PKD1L1: variants seen among roughly 807,000 people sequenced by gnomAD.
PKD1L1 encodes polycystin-1-like protein 1.
A neutral mutation model predicts 323.4 loss-of-function variants in PKD1L1; 236 were observed. That is an observed-to-expected ratio of 0.73 (90% confidence interval 0.66 to 0.81). The LOEUF (loss-of-function observed/expected upper bound fraction) is 0.81. Ranked by LOEUF, PKD1L1 falls within the 40% of genes least tolerant of loss-of-function variation. The probability of loss-of-function intolerance (pLI) is 0.00; values close to 1 mark genes in which losing one functional copy is unlikely to be tolerated. For synonymous variants in PKD1L1, 1,344 were observed against 1,335.0 expected (o/e 1.01, Z -0.15); for missense variants, 3,320 against 3,508.0 (o/e 0.95, Z 1.35).
At chr7:47,806,406 G>A (rs1486212481) in intron 52 of PKD1L1, among the ~76,000 whole-genome samples, 1 of 152,174 alleles carries the variant, frequency 6.6e-6, no homozygotes, top group Non-Finnish European at 1.5e-5. Flanking sequence ...TAGCCCACAG[G>A]ACCATGCAAG....
At chr7:47,878,360 CATAT>C (rs772820636) in intron 21 of PKD1L1, among the ~76,000 whole-genome samples, 4 of 152,090 alleles carry the variant, frequency 2.6e-5, no homozygotes, top group African/African-American at 9.7e-5. Flanking sequence ...TATTCTCATA[CATAT>C]AGTTTTTAAA....
intron 25 of PKD1L1, 33 bp from the exon 26 acceptor site, chr7:47,865,305 A>G (rs1459215017): frequency 6.3e-7 from 1 of 1,585,998 alleles, no homozygotes; most frequent in Non-Finnish European, 8.6e-7. Flanking sequence ...AAACAAAAAG[A>G]AAATGCAAGG....
intron 13 of PKD1L1, among the ~76,000 whole-genome samples, chr7:47,901,345 A>G (rs1018396011): frequency 1.1e-4 from 16 of 151,536 alleles, no homozygotes; most frequent in East Asian, 3.9e-4. Context: ...AAAAAAAAAA[A>G]AAAGAAAAGA....
Position 47,803,363 on chromosome 7 carries a change from A to G in PKD1L1, c.7828-19T>C. On this transcript the variant is annotated intron_variant, in intron 52 of 56. Transcript: ENST00000289672. ...GAGCCCTCTGAGACAGAAGAACATA[A>G]CAGTCAGTGTGCCATGCCAGTCACT... is the stretch of plus-strand genomic sequence containing the variant. 6.2e-7 allele frequency: 1 copy of G among 1,612,704 alleles called. No homozygotes were observed. The highest frequency in any genetic ancestry group is 8.5e-7 in the Non-Finnish European group (1 of 1,179,598).
intron 19 of PKD1L1, among the ~76,000 whole-genome samples, chr7:47,884,397 T>C (rs1007847072): frequency 2.0e-5 from 3 of 151,938 alleles, no homozygotes; most frequent in African/African-American, 7.3e-5. Context: ...TTTTGGAGCA[T>C]AGGGTGAGAG....
chr7:47,827,398 C>A lies in PKD1L1; in HGVS notation c.6806G>T (p.Gly2269Val). Residue 2269 changes from glycine (G) to valine (V), a missense_variant, in exon 45 of 57, where the codon GGC (glycine) becomes GTC (valine). Transcript: ENST00000289672. ...CTCTCTCCTCATCCTCTGTCTGGTG[C>A]CCCTCAGCTGGGCCTTGGATGGTGG... Reference protein sequence around the residue: ...AHPPSKAQLRGTRQRMRRESR... With the variant: ...AHPPSKAQLRVTRQRMRRESR... 1.2e-6 allele frequency: 2 copies of A among 1,613,328 alleles called. No homozygotes were observed. Among genetic ancestry groups the A allele is most frequent in the Non-Finnish European group, 1.7e-6 (2 of 1,179,788 alleles).
In PKD1L1 at chr7:47,881,920, T is replaced by C. The variant is rs1385380868; in HGVS notation, c.3431A>G (p.Tyr1144Cys). ...GAGGACATTCATACCTGAGGATGAATAGCCTTGGAAAACTGCTCGACCCAG... is the reference window on the plus strand; with the variant it reads ...GAGGACATTCATACCTGAGGATGAACAGCCTTGGAAAACTGCTCGACCCAG... Reference protein sequence around the residue: ...ALLGRAVFQGYSSSGITEQTV... With the variant: ...ALLGRAVFQGCSSSGITEQTV... The change falls in exon 20 of 57, where the codon TAT becomes TGT. Residue 1144 changes from tyrosine (Y) to cysteine (C), a missense_variant. Physicochemically the swap from Tyr to Cys is radical, Grantham distance 194. Transcript: ENST00000289672. The C allele has an allele frequency of 3.1e-6, 5 of 1,596,138 alleles. No individual in the cohort carries two copies. Among genetic ancestry groups the C allele is most frequent in the African/African-American group, 2.7e-5 (2 of 73,716 alleles).
chr7:47,878,924 C>T (rs1786468624), intron 21 of PKD1L1, among the ~76,000 whole-genome samples: 2 of 152,200 alleles, frequency 1.3e-5, no homozygotes, highest in Non-Finnish European at 2.9e-5. Flanking sequence ...CATGGAGAGA[C>T]TCTCATGTGT....
chr7:47,865,587 T>TTTTA (rs1786148261), intron 25 of PKD1L1, among the ~76,000 whole-genome samples: 1 of 150,420 alleles, frequency 6.6e-6, no homozygotes. Flanking sequence ...TTTTATTTTA[T>TTTTA]TTTATTTTAT....
intron 16 of PKD1L1, 91 bp downstream of exon 16, chr7:47,890,451 G>T: frequency 7.7e-7 from 1 of 1,295,716 alleles, no homozygotes; most frequent in Non-Finnish European, 1.1e-6. Flanking sequence ...CAAACTGCTT[G>T]CTGTGCACAG....
chr7:47,831,435 G>A lies in PKD1L1; in HGVS notation c.6338-83C>T, dbSNP rs910629292. The A allele has an allele frequency of 3.3e-6, 5 of 1,508,520 alleles. No homozygotes were observed. The Admixed American group carries it at 1.0e-4, about 31-fold the overall frequency. 93.4% of individuals were successfully genotyped at this position (1,508,520 alleles called of 1,614,324 possible). On this transcript the variant is annotated intron_variant, in intron 41 of 56. Transcript: ENST00000289672. ...CGCGGAGTGTGGTGGTGAATCTTAG[G>A]TGTCAACTAGGCTGGGTCGTAGGGT... is the stretch of plus-strand genomic sequence containing the variant.
intron 2 of PKD1L1, 106 bp downstream of exon 2, chr7:47,943,290 T>C (rs1023831689): frequency 2.9e-5 from 28 of 957,548 alleles, no homozygotes; most frequent in Non-Finnish European, 4.0e-5. Context: ...TTCTGTTTCT[T>C]AAAAGCAGAA....
At chr7:47,893,424 T>C (rs1786866786) in intron 15 of PKD1L1, among the ~76,000 whole-genome samples, 1 of 152,040 alleles carries the variant, frequency 6.6e-6, no homozygotes, top group South Asian at 2.1e-4. Flanking sequence ...TGTCTGAGGC[T>C]GTTGCACATG....
chr7:47,778,958 G>A (rs936094836), intron 56 of PKD1L1, among the ~76,000 whole-genome samples: 9 of 152,190 alleles, frequency 5.9e-5, no homozygotes, highest in African/African-American at 2.2e-4. Context: ...ATGATATTCA[G>A]CTAACAGGTT....
rs759633010 is a variant in PKD1L1 at position 47,835,249 on chromosome 7, A to G, written c.5944-6T>C. On this transcript the variant is annotated splice_region_variant and splice_polypyrimidine_tract_variant and intron_variant, in intron 37 of 56. Transcript: ENST00000289672. ...GGGCTGACGTCCAAGTGGGGCTGCA[A>G]CAAAGCAACAGCAGCCATTACATCA... is the stretch of plus-strand genomic sequence containing the variant. 6.4e-7 allele frequency: 1 copy of G among 1,566,234 alleles called. No individual in the cohort carries two copies. The highest frequency in any genetic ancestry group is 1.2e-5 in the South Asian group (1 of 83,440).
chr7:47,816,522 T>A lies in PKD1L1; in HGVS notation c.6966-1065A>T, dbSNP rs149646558. 2.4e-4 allele frequency among the ~76,000 whole-genome samples: 37 copies of A among 152,222 alleles called. 1 individual carries two copies. The highest frequency in any genetic ancestry group is 7.0e-4 in the African/African-American group (29 of 41,540). ...TACCTCTCACCTAACTCTAAAAAAC[T>A]TTCTCATACATAGCTTCCCATGAAG... On this transcript the variant is annotated intron_variant, in intron 46 of 56. Transcript: ENST00000289672.
intron 53 of PKD1L1, among the ~76,000 whole-genome samples, 170 bp downstream of exon 53, chr7:47,803,040 G>GT (rs2128726709): frequency 6.6e-6 from 1 of 152,328 alleles, no homozygotes; most frequent in East Asian, 1.9e-4. Context: ...AACTTACTAT[G>GT]TAACTATTGA....
intron 45 of PKD1L1, among the ~76,000 whole-genome samples, chr7:47,826,050 C>T (rs1470180382): frequency 6.6e-6 from 1 of 152,122 alleles, no homozygotes; most frequent in Non-Finnish European, 1.5e-5. Flanking sequence ...CAGCTCCAGA[C>T]CTCCAGACCT....
intron 6 of PKD1L1, among the ~76,000 whole-genome samples, 183 bp downstream of exon 6, chr7:47,930,921 C>T (rs1379175768): frequency 1.3e-5 from 2 of 152,222 alleles, no homozygotes; most frequent in Non-Finnish European, 1.5e-5. Flanking sequence ...TGGCATGGGT[C>T]CCTGATGGCA....
Sources: allele counts gnomAD v4.1 joint callset (sites outside exome capture counted in the v4.1 genomes callset), GRCh38; gene constraint gnomAD v4.1.1; transcripts MANE v1.5; gene names NCBI Gene and HGNC (gene_info 2026-07-23, HGNC 2026-07-21).